Variants in EMCN observed in about 807,000 individuals in gnomAD.
EMCN encodes the protein endomucin.
EMCN carries 37 observed loss-of-function variants against 38.4 expected under a neutral mutation model. The ratio of observed to expected loss-of-function variants is 0.96; its 90% confidence interval spans 0.74 to 1.27. EMCN has a LOEUF of 1.27. Ranked by LOEUF, EMCN falls within the 50% of genes most tolerant of loss-of-function variation. EMCN has a pLI of 0.00. For synonymous variants in EMCN, 95 were observed against 100.8 expected (o/e 0.94, Z 0.35); for missense variants, 318 against 302.8 (o/e 1.05, Z -0.37).
intron 4 of EMCN, among the ~76,000 whole-genome samples, chr4:100,451,186 T>G (rs1322110364): frequency 6.6e-6 from 1 of 151,814 alleles, no homozygotes; most frequent in Admixed American, 6.6e-5. Context: ...CAAAACTGGT[T>G]TTTCATTTAT....
chr4:100,440,232 A>G (rs1031076785), intron 5 of EMCN, among the ~76,000 whole-genome samples: 3 of 151,802 alleles, frequency 2.0e-5, no homozygotes, highest in Non-Finnish European at 4.4e-5. Flanking sequence ...TTTTTTATTA[A>G]TTTTGTGTTC....
intron 3 of EMCN, among the ~76,000 whole-genome samples, chr4:100,467,601 G>A (rs1318497728): frequency 6.9e-6 from 1 of 145,954 alleles, no homozygotes; most frequent in Non-Finnish European, 1.5e-5. Flanking sequence ...AGAATGGCAT[G>A]AACCCAAGAG....
chr4:100,500,100 G>GT (rs1729308719), intron 1 of EMCN, among the ~76,000 whole-genome samples: 1 of 151,508 alleles, frequency 6.6e-6, no homozygotes, highest in Admixed American at 6.6e-5. Context: ...AGATTTATTT[G>GT]TAAAAAAAAG....
Position 100,511,836 on chromosome 4 carries a change from T to TAAA in EMCN, c.64+6012_64+6014dup, listed in dbSNP as rs3841994. 4.1e-5 allele frequency among the ~76,000 whole-genome samples: 6 copies of TAAA among 147,022 alleles called. No individual in the cohort carries two copies. The East Asian group carries it at 9.9e-4, about 24-fold the overall frequency. ...CAAGGGCTTCTGTTCAGACAGTTTATAAAAAAAAAAATAGGAAGAGGAGAA... is the reference window on the plus strand; with the variant it reads ...CAAGGGCTTCTGTTCAGACAGTTTATAAAAAAAAAAAAAATAGGAAGAGGAGAA... On this transcript the variant is annotated intron_variant, in intron 1 of 11. Coordinates refer to ENST00000296420, the MANE Select transcript of EMCN (RefSeq NM_016242.4).
intron 11 of EMCN, among the ~76,000 whole-genome samples, chr4:100,403,500 A>G (rs1726314038): frequency 2.2e-5 from 3 of 138,648 alleles, no homozygotes; most frequent in Admixed American, 6.9e-5. Flanking sequence ...GGTTCATTCC[A>G]TGTCTCTCTT....
At chr4:100,451,308 G>C (rs183359347) in intron 4 of EMCN, among the ~76,000 whole-genome samples, 1 of 151,618 alleles carries the variant, frequency 6.6e-6, no homozygotes, top group Non-Finnish European at 1.5e-5. Flanking sequence ...ATGAAGTTGT[G>C]GGAAATATCA....
chr4:100,497,790 A>G (rs1228155011), intron 1 of EMCN, among the ~76,000 whole-genome samples: 1 of 152,214 alleles, frequency 6.6e-6, no homozygotes, highest in Non-Finnish European at 1.5e-5. Context: ...TGTATAGGAT[A>G]AAGTTCAGAA....
chr4:100,494,060 TTC>T (rs1729151097), intron 1 of EMCN, among the ~76,000 whole-genome samples: 1 of 152,186 alleles, frequency 6.6e-6, no homozygotes, highest in African/African-American at 2.4e-5. Context: ...TTCCCCCAGT[TTC>T]TCCACATTGG....
intron 1 of EMCN, among the ~76,000 whole-genome samples, chr4:100,493,350 T>C (rs959898867): frequency 1.3e-5 from 2 of 152,222 alleles, no homozygotes; most frequent in African/African-American, 4.8e-5. Context: ...TGATTATAGT[T>C]GTAAAACAAA....
rs550696966 is a variant in EMCN, at chr4:100,480,079, G to A, written c.65-40C>T. ...GTAGTTGCATTAACATTTACATATAGTTTGCCAATTAATAGACTAGTATAT... is the reference window on the plus strand; with the variant it reads ...GTAGTTGCATTAACATTTACATATAATTTGCCAATTAATAGACTAGTATAT... On this transcript the variant is annotated intron_variant, in intron 1 of 11. Transcript: ENST00000296420. The A allele has an allele frequency of 1.1e-5, 18 of 1,576,890 alleles. No homozygotes were observed. In the South Asian group the frequency reaches 2.1e-4, roughly 18 times the overall value.
intron 1 of EMCN, among the ~76,000 whole-genome samples, chr4:100,515,867 C>T (rs1409238012): frequency 6.6e-6 from 1 of 151,556 alleles, no homozygotes; most frequent in Non-Finnish European, 1.5e-5. Context: ...AACAAAAAAA[C>T]AGGCAGAACC....
chr4:100,475,659 C>A (rs12641968), intron 2 of EMCN, among the ~76,000 whole-genome samples: 7,170 of 60,124 alleles, frequency 0.12, 758 homozygotes, highest in East Asian at 0.3. Flanking sequence ...AATTCTAGTC[C>A]TTTTTTTTTT....
At chr4:100,517,758 T>C (rs925895585) in intron 1 of EMCN, 93 bp downstream of exon 1, 9 of 1,130,820 alleles carry the variant, frequency 8.0e-6, no homozygotes, top group African/African-American at 1.5e-5. Context: ...TGCATCTAAG[T>C]GTCAGGGGAA....
chr4:100,439,387 G>GT (rs765409273), intron 5 of EMCN, among the ~76,000 whole-genome samples: 1 of 151,318 alleles, frequency 6.6e-6, no homozygotes, highest in Non-Finnish European at 1.5e-5. Context: ...GTTTTATTCT[G>GT]TTTTTTAAGC....
intron 4 of EMCN, among the ~76,000 whole-genome samples, chr4:100,461,512 A>C (rs1461865771): frequency 1.3e-5 from 2 of 152,142 alleles, no homozygotes; most frequent in African/African-American, 4.8e-5. Context: ...AAATAAGATA[A>C]TTTTTAATTC....
chr4:100,480,091 A>C (rs1223093803), intron 1 of EMCN, 52 bp from the exon 2 acceptor site: 3 of 1,500,888 alleles, frequency 2.0e-6, no homozygotes, highest in Non-Finnish European at 2.7e-6. Context: ...TTGCCAATTA[A>C]TAGACTAGTA....
intron 4 of EMCN, among the ~76,000 whole-genome samples, chr4:100,454,106 T>C (rs979266939): frequency 6.6e-6 from 1 of 151,750 alleles, no homozygotes; most frequent in African/African-American, 2.4e-5. Flanking sequence ...CACACCAGCA[T>C]GGCACATGTA....
chr4:100,440,034 T>A (rs1727465791), intron 5 of EMCN, among the ~76,000 whole-genome samples: 1 of 149,664 alleles, frequency 6.7e-6, no homozygotes, highest in African/African-American at 2.4e-5. Context: ...TCTTGTTTTG[T>A]GGCTTATCAT....
At chr4:100,413,888 G>C (rs186306143) in intron 10 of EMCN, among the ~76,000 whole-genome samples, 1 of 152,166 alleles carries the variant, frequency 6.6e-6, no homozygotes, top group Non-Finnish European at 1.5e-5. Flanking sequence ...GTGGGCCAAC[G>C]GTCTATTTAA....
Sources: allele counts gnomAD v4.1 joint callset (sites outside exome capture counted in the v4.1 genomes callset), GRCh38; gene constraint gnomAD v4.1.1; transcripts MANE v1.5; gene names NCBI Gene and HGNC (gene_info 2026-07-23, HGNC 2026-07-21).